The following CDIP1 variants were observed in gnomAD, a reference collection of about 807,000 sequenced individuals.
CDIP1 encodes the protein cell death-inducing p53-target protein 1.
A neutral mutation model predicts 17.7 loss-of-function variants in CDIP1; 9 were observed. The observed-to-expected ratio is 0.51, with a 90% CI of 0.31 to 0.89. The LOEUF (loss-of-function observed/expected upper bound fraction) is 0.89, where lower values mean the gene tolerates loss of function less well. CDIP1 is among the 40% of genes least tolerant of loss of function. CDIP1 has a pLI of 0.05. For missense variants in CDIP1, 263 were observed against 277.9 expected (o/e 0.95, Z 0.38); for synonymous variants, 117 against 109.5 (o/e 1.07, Z -0.43).
chr16:4,526,869 C>G (rs963909051), intron 1 of CDIP1, among the ~76,000 whole-genome samples: 4 of 152,094 alleles, frequency 2.6e-5, no homozygotes, highest in African/African-American at 9.7e-5. Flanking sequence ...AATCTTGCAC[C>G]GAGTGGGGCA....
intron 1 of CDIP1, among the ~76,000 whole-genome samples, chr16:4,522,745 G>T (rs549808728): frequency 6.6e-6 from 1 of 152,332 alleles, no homozygotes; most frequent in African/African-American, 2.4e-5. Context: ...GTGGGCCTCA[G>T]GGAAGATGCT....
chr16:4,535,031 G>T (rs2059093992), intron 1 of CDIP1, among the ~76,000 whole-genome samples: 1 of 152,130 alleles, frequency 6.6e-6, no homozygotes, highest in Non-Finnish European at 1.5e-5. Flanking sequence ...ATGTTAATCA[G>T]AATTGTGACA....
At chr16:4,531,160 C>G (rs1596496190) in intron 1 of CDIP1, among the ~76,000 whole-genome samples, 2 of 152,036 alleles carry the variant, frequency 1.3e-5, no homozygotes, top group East Asian at 3.9e-4. Flanking sequence ...TCCCAAGTAG[C>G]TGGGACTACA....
chr16:4,537,053 C>G (rs949750307), intron 1 of CDIP1, among the ~76,000 whole-genome samples: 2 of 152,138 alleles, frequency 1.3e-5, no homozygotes, highest in Non-Finnish European at 2.9e-5. Context: ...TCTAAATACC[C>G]AGGGCTTCCA....
chr16:4,523,153 C>T (rs187755332), intron 1 of CDIP1, among the ~76,000 whole-genome samples: 27 of 152,248 alleles, frequency 1.8e-4, no homozygotes, highest in African/African-American at 6.0e-4. Context: ...AAGGGGAGGG[C>T]GGGGGATGGT....
At chr16:4,521,648 A>G (rs1332187658) in intron 1 of CDIP1, among the ~76,000 whole-genome samples, 1 of 146,160 alleles carries the variant, frequency 6.8e-6, no homozygotes, top group African/African-American at 2.5e-5. Flanking sequence ...GGATTACTTG[A>G]GCCCAGGAGT....
At chr16:4,519,057 T>C (rs2058917744) in intron 1 of CDIP1, among the ~76,000 whole-genome samples, 1 of 152,178 alleles carries the variant, frequency 6.6e-6, no homozygotes, top group African/African-American at 2.4e-5. Flanking sequence ...GATTTATTAA[T>C]TGCAAACAAA....
chr16:4,530,598 G>A (rs112654275), intron 1 of CDIP1, among the ~76,000 whole-genome samples: 3,059 of 151,124 alleles, frequency 0.02, 103 homozygotes, highest in African/African-American at 0.07. Flanking sequence ...GCAGTGAGCC[G>A]AGATTGCGCC....
intron 1 of CDIP1, among the ~76,000 whole-genome samples, chr16:4,535,976 C>T (rs2059102564): frequency 2.0e-5 from 3 of 152,170 alleles, no homozygotes; most frequent in Admixed American, 2.0e-4. Flanking sequence ...CAAGTCCCCT[C>T]GTGGGGGAAA....
At chr16:4,535,465 G>A (rs1596499234) in intron 1 of CDIP1, among the ~76,000 whole-genome samples, 1 of 152,344 alleles carries the variant, frequency 6.6e-6, no homozygotes. Context: ...CTGCACTGCA[G>A]GCTCTGTATT....
chr16:4,510,784 C>G lies in CDIP1; in HGVS notation c.*1788G>C, dbSNP rs1014437618. The G allele has an allele frequency of 6.6e-6, 1 of 152,162 alleles. No homozygotes were observed. The highest frequency in any genetic ancestry group is 1.9e-4 in the East Asian group (1 of 5,198). The allele number at this position is 152,162 out of a possible 1,614,324, so 9.4% of individuals were successfully genotyped here. On this transcript the variant is annotated 3_prime_UTR_variant, in exon 6 of 6. Coordinates refer to ENST00000567695, the MANE Select transcript of CDIP1 (RefSeq NM_013399.3). ...CAAAAAGGGTTAAAAAGTAGGGAAA[C>G]TCTTTAAACTACTGACCAAGACTGC...
intron 1 of CDIP1, among the ~76,000 whole-genome samples, chr16:4,529,009 A>C (rs987749530): frequency 1.3e-5 from 2 of 151,716 alleles, no homozygotes; most frequent in African/African-American, 4.8e-5. Context: ...TATATATACT[A>C]CTCCTCATAC....
At chr16:4,519,816 A>G (rs1261771036) in intron 1 of CDIP1, among the ~76,000 whole-genome samples, 1 of 151,426 alleles carries the variant, frequency 6.6e-6, no homozygotes, top group Non-Finnish European at 1.5e-5. Flanking sequence ...TCGCCATGTG[A>G]TCTCTGCACA....
At chr16:4,515,498 T>C (rs991668818) in intron 1 of CDIP1, among the ~76,000 whole-genome samples, 64 of 152,362 alleles carry the variant, frequency 4.2e-4, no homozygotes, top group Non-Finnish European at 1.2e-4. Flanking sequence ...GAAAAACTCT[T>C]GTGCTTCAAA....
intron 1 of CDIP1, among the ~76,000 whole-genome samples, chr16:4,517,259 GCAA>G (rs1449306499): frequency 6.6e-6 from 1 of 152,076 alleles, no homozygotes; most frequent in Non-Finnish European, 1.5e-5. Context: ...CATTTCTTTG[GCAA>G]TCAGGAGACA....
At chr16:4,527,713 G>C (rs2059014290) in intron 1 of CDIP1, among the ~76,000 whole-genome samples, 1 of 152,174 alleles carries the variant, frequency 6.6e-6, no homozygotes, top group South Asian at 2.1e-4. Context: ...AGGCAAAGAT[G>C]TTTATATGCA....
At chr16:4,538,037 C>T (rs925337739) in intron 1 of CDIP1, among the ~76,000 whole-genome samples, 1 of 152,214 alleles carries the variant, frequency 6.6e-6, no homozygotes, top group Non-Finnish European at 1.5e-5. Flanking sequence ...GGCCACGGGG[C>T]TCCTCCTCGA....
chr16:4,512,325 A>G lies in CDIP1; in HGVS notation c.*247T>C. ...ATCTTCCCGATCACACACACCAAGC[A>G]GACCAACAACACACAAGCTCATTGT... On this transcript the variant is annotated 3_prime_UTR_variant, in exon 6 of 6. Coordinates refer to ENST00000567695, the MANE Select transcript of CDIP1 (RefSeq NM_013399.3). The surrounding 1 kb of genome is among the most constrained non-coding windows in gnomAD (Gnocchi z 4.6). The G allele has an allele frequency of 1.7e-6, 1 of 580,128 alleles. No homozygotes were observed. Among genetic ancestry groups the G allele is most frequent in the Non-Finnish European group, 3.1e-6 (1 of 322,226 alleles). The allele number at this position is 580,128 out of a possible 1,614,324, so 35.9% of individuals were successfully genotyped here. A position where few individuals can be genotyped will look rare whatever the true frequency, so the allele number is the denominator to read the frequency against.
chr16:4,513,057 G>A lies in CDIP1; in HGVS notation c.249C>T (p.Tyr83=), dbSNP rs756142792. Residue 83 remains tyrosine, a synonymous_variant, in exon 5 of 6, where the codon TAC becomes TAT. Coordinates refer to ENST00000567695, the MANE Select transcript of CDIP1 (RefSeq NM_013399.3). The surrounding 1 kb of genome is among the most constrained non-coding windows in gnomAD (Gnocchi z 4.1). The part of the protein sequence containing the change: ...ADGTYMPPGF[Y]PPPGPHPPMG... The stretch of plus-strand genomic sequence containing the variant: ...TGGGTGGGTGGGGGCCTGGAGGAGG[G>A]TAGAAACCTGGAATGGCACAGAAGA... 4.4e-6 allele frequency: 7 copies of A among 1,588,404 alleles called. No homozygotes were observed. Among genetic ancestry groups the A allele is most frequent in the Non-Finnish European group, 6.0e-6 (7 of 1,170,964 alleles).
Sources: allele counts gnomAD v4.1 joint callset (sites outside exome capture counted in the v4.1 genomes callset), GRCh38; gene constraint gnomAD v4.1.1; non-coding constraint Gnocchi (gnomAD v3.1); transcripts MANE v1.5; gene names NCBI Gene and HGNC (gene_info 2026-07-23, HGNC 2026-07-21).